ANKRD6: variants seen among roughly 807,000 people sequenced by gnomAD.
ANKRD6 encodes ankyrin repeat domain 6.
A neutral mutation model predicts 82.3 loss-of-function variants in ANKRD6; 56 were observed. The ratio of observed to expected loss-of-function variants is 0.68; its 90% CI spans 0.55 to 0.85. The LOEUF is 0.85. Among genes scored for constraint, ANKRD6 ranks in the 40% least tolerant of loss-of-function variants. The probability of loss-of-function intolerance (pLI) is 0.00; values close to 1 mark genes in which losing one functional copy is unlikely to be tolerated. For missense variants in ANKRD6, 852 were observed against 907.6 expected, an observed-to-expected ratio of 0.94 and a Z score of 0.79; for synonymous variants, 347 against 352.1, an observed-to-expected ratio of 0.99 and a Z score of 0.16.
chr6:89,531,818 G>A (rs185991301), intron 1 of ANKRD6, among the ~76,000 whole-genome samples: 1 of 152,330 alleles, frequency 6.6e-6, no homozygotes, highest in East Asian at 1.9e-4. Flanking sequence ...TGTGTATATA[G>A]AGAAAAAGAT....
intron 12 of ANKRD6, 48 bp downstream of exon 12, chr6:89,624,105 G>T (rs1227367866): frequency 2.0e-6 from 3 of 1,537,876 alleles, no homozygotes; most frequent in East Asian, 4.7e-5. Flanking sequence ...CCTTCAGCAA[G>T]GGTTTTTGTT....
chr6:89,560,137 C>T (rs531955412), intron 1 of ANKRD6, among the ~76,000 whole-genome samples: 1 of 152,316 alleles, frequency 6.6e-6, no homozygotes, highest in South Asian at 2.1e-4. Flanking sequence ...AGCAATTATG[C>T]TTGAGCTACC....
In ANKRD6 at chr6:89,614,852, CA is replaced by C. The variant is rs1207448561; in HGVS notation, c.615+973del. ...TCTCTTTAAAGGAAAAAAAAAAAAACAAAAAAAAAAACCCACCAAGCAAGCA... is the reference window on the plus strand; with the variant it reads ...TCTCTTTAAAGGAAAAAAAAAAAAACAAAAAAAAAACCCACCAAGCAAGCA... On this transcript the variant is annotated intron_variant, in intron 7 of 15. Transcript: ENST00000339746. Among the ~76,000 whole-genome samples, 319 of 118,142 alleles carry C rather than the reference CA, an allele frequency of 2.7e-3. 1 individual carries two copies. The highest frequency in any genetic ancestry group is 9.9e-3 in the African/African-American group (310 of 31,440). 77.5% of individuals were successfully genotyped at this position (118,142 alleles called of 152,430 possible). A position where few individuals can be genotyped will look rare whatever the true frequency, so the allele number is the denominator to read the frequency against.
rs757890329 is a variant in ANKRD6, at chr6:89,630,680, TAAG to T, written c.1864_1866del (p.Lys622del). The T allele has an allele frequency of 1.2e-5, 19 of 1,613,766 alleles. No individual in the cohort carries two copies. The highest frequency in any genetic ancestry group is 1.5e-5 in the Non-Finnish European group (18 of 1,179,874). ...CCTGCGTCAACAGAGGCACTCAAACTAAGAAGTCTGGGAAGAGTGGGCCAACAA... is the reference window on the plus strand; with the variant it reads ...CCTGCGTCAACAGAGGCACTCAAACTAAGTCTGGGAAGAGTGGGCCAACAA... On this transcript the variant is annotated inframe_deletion, in exon 16 of 16. Coordinates refer to ENST00000339746, the MANE Select transcript of ANKRD6 (RefSeq NM_001242809.2).
At chr6:89,573,486 G>A (rs1054975564) in intron 2 of ANKRD6, among the ~76,000 whole-genome samples, 6 of 152,154 alleles carry the variant, frequency 3.9e-5, no homozygotes, top group Non-Finnish European at 7.4e-5. Flanking sequence ...CTTTCTGATT[G>A]ATCTGGGTTG....
At chr6:89,490,707 G>A (rs1470329431) in intron 1 of ANKRD6, among the ~76,000 whole-genome samples, 1 of 152,178 alleles carries the variant, frequency 6.6e-6, no homozygotes, top group Non-Finnish European at 1.5e-5. Flanking sequence ...ACCAAACACA[G>A]CTGTGAGAAG....
At chr6:89,480,526 A>G (rs990357230) in intron 1 of ANKRD6, among the ~76,000 whole-genome samples, 3 of 150,700 alleles carry the variant, frequency 2.0e-5, no homozygotes, top group African/African-American at 7.3e-5. Flanking sequence ...TATATTTTGT[A>G]TATTTTTTAT....
intron 2 of ANKRD6, among the ~76,000 whole-genome samples, chr6:89,580,755 G>A (rs138817168): frequency 6.6e-6 from 1 of 152,324 alleles, no homozygotes; most frequent in East Asian, 1.9e-4. Context: ...TCCTGGGTTT[G>A]TGTTTAATGT....
At chr6:89,484,179 G>C (rs12662171) in intron 1 of ANKRD6, among the ~76,000 whole-genome samples, 23,293 of 152,158 alleles carry the variant, frequency 0.15, 2,058 homozygotes, top group South Asian at 0.33. Flanking sequence ...AGGTGCTGGA[G>C]TTACAGATGT....
intron 1 of ANKRD6, among the ~76,000 whole-genome samples, chr6:89,452,659 C>T (rs955483461): frequency 3.3e-5 from 5 of 152,058 alleles, no homozygotes; most frequent in African/African-American, 1.2e-4. Flanking sequence ...TTTGGCCTGA[C>T]AATTTTTTTT....
intron 13 of ANKRD6, among the ~76,000 whole-genome samples, chr6:89,625,792 G>A (rs895530659): frequency 6.8e-6 from 1 of 147,010 alleles, no homozygotes; most frequent in African/African-American, 2.5e-5. Flanking sequence ...AGAGTGCAGT[G>A]TGGCAATCTC....
chr6:89,566,111 C>T (rs2128066863), intron 1 of ANKRD6, among the ~76,000 whole-genome samples: 1 of 152,346 alleles, frequency 6.6e-6, no homozygotes, highest in East Asian at 1.9e-4. Flanking sequence ...TTTGGTGCCA[C>T]TTCTTTTCCT....
rs76842708 is a variant in ANKRD6 at position 89,510,760 on chromosome 6, A to G, written c.-143-56074A>G. Among the ~76,000 whole-genome samples the G allele has an allele frequency of 2.7e-3, 413 of 152,286 alleles. 1 individual carries two copies. Among genetic ancestry groups the G allele is most frequent in the South Asian group, 0.011 (54 of 4,828 alleles). ...GTCTCTGTATTTGCCTTTTCTGGACATTTTATATAAATACAATCATATAAA... is the reference window on the plus strand; with the variant it reads ...GTCTCTGTATTTGCCTTTTCTGGACGTTTTATATAAATACAATCATATAAA... On this transcript the variant is annotated intron_variant, in intron 1 of 15. Transcript: ENST00000339746.
intron 1 of ANKRD6, among the ~76,000 whole-genome samples, chr6:89,437,573 C>A (rs1397882374): frequency 6.6e-6 from 1 of 152,142 alleles, no homozygotes; most frequent in Non-Finnish European, 1.5e-5. Flanking sequence ...TGACTGAAGT[C>A]CAGTACATTC....
intron 1 of ANKRD6, among the ~76,000 whole-genome samples, chr6:89,544,524 C>T (rs1221957412): frequency 6.6e-6 from 1 of 152,108 alleles, no homozygotes; most frequent in Non-Finnish European, 1.5e-5. Flanking sequence ...ACCATCCTGG[C>T]TAGCACGGTG....
intron 1 of ANKRD6, among the ~76,000 whole-genome samples, chr6:89,521,471 T>C (rs1030787425): frequency 6.6e-6 from 1 of 152,166 alleles, no homozygotes; most frequent in African/African-American, 2.4e-5. Flanking sequence ...CCCCCAACCA[T>C]GTTAAGAATT....
intron 1 of ANKRD6, among the ~76,000 whole-genome samples, chr6:89,445,524 G>A (rs997362280): frequency 7.2e-5 from 11 of 151,966 alleles, no homozygotes; most frequent in African/African-American, 1.9e-4. Context: ...TCTGCTCACC[G>A]CAACCTCCAC....
rs545563911 is a variant in ANKRD6, at chr6:89,626,147, T to G, written c.1372-1436T>G. Among the ~76,000 whole-genome samples the G allele has an allele frequency of 6.6e-5, 10 of 152,350 alleles. 1 individual carries two copies. In the South Asian group the frequency reaches 2.1e-3, roughly 32 times the overall value. On this transcript the variant is annotated intron_variant, in intron 13 of 15. Transcript: ENST00000339746. ...TTTTAAGGCTTATTTGCTATCTGTA[T>G]TTTATAGAAAGGCCATTTTAAAAAT...
intron 2 of ANKRD6, among the ~76,000 whole-genome samples, chr6:89,576,502 A>G (rs9359855): frequency 0.52 from 79,019 of 152,030 alleles, 20,943 homozygotes; most frequent in South Asian, 0.72. Context: ...ACTCAGGCTC[A>G]TGACCCTTCA....
Sources: gnomAD v4.1 joint callset for allele counts (sites outside exome capture counted in the v4.1 genomes callset) on GRCh38, gnomAD v4.1.1 for gene constraint, MANE v1.5 for transcripts, NCBI Gene and HGNC (gene_info 2026-07-23, HGNC 2026-07-21) for gene names.